The following SF1 variants were observed in gnomAD, a reference collection of about 807,000 sequenced individuals.
SF1 encodes the protein branch point-binding protein.
A neutral mutation model predicts 62.5 loss-of-function variants in SF1; 7 were observed. That is an observed-to-expected ratio of 0.11 (90% CI 0.06 to 0.21). The LOEUF is 0.21. Ranked by LOEUF, SF1 falls within the 10% of genes least tolerant of loss-of-function variation. SF1 has a pLI of 1.00. For missense variants in SF1, 578 were observed against 884.0 expected, an observed-to-expected ratio of 0.65 and a Z score of 4.39; for synonymous variants, 394 against 323.6, an observed-to-expected ratio of 1.22 and a Z score of -2.33.
chr11:64,776,968 G>A (rs1047008010), intron 1 of SF1, among the ~76,000 whole-genome samples: 5 of 152,130 alleles, frequency 3.3e-5, no homozygotes, highest in Admixed American at 1.3e-4. Flanking sequence ...AAATCCCCAG[G>A]GGAGACAAAA....
intron 3 of SF1, chr11:64,772,618 T>C: frequency 1.0e-6 from 1 of 985,216 alleles, no homozygotes; most frequent in Non-Finnish European, 1.2e-6. Flanking sequence ...TAAGAGAAAA[T>C]TCAGTGAGAG....
intron 6 of SF1, 23 bp from the exon 7 acceptor site, chr11:64,769,361 T>C: frequency 6.2e-7 from 1 of 1,613,806 alleles, no homozygotes; most frequent in South Asian, 1.1e-5. Flanking sequence ...CAATGGACAG[T>C]TAAGTGCTTA....
chr11:64,766,142 G>T lies in SF1; in HGVS notation c.1596C>A (p.Thr532=). The stretch of plus-strand genomic sequence containing the variant: ...TGGACCCTGTGCCAGCGCTCGTGGT[G>T]GTAGTCGTCGTATCTGGGGTGGTAA... ...PLPWQQNTTT[T]TTSAGTGSIP... Residue 532 remains threonine (T), a synonymous_variant, in exon 13 of 13, where the codon ACC becomes ACA. Transcript: ENST00000377390. 6.2e-7 allele frequency: 1 copy of T among 1,606,040 alleles called. No individual in the cohort carries two copies.
At position 64,765,438 on chromosome 11, in the gene SF1, T is replaced by C. The variant is rs2058574467; in HGVS notation, c.*380A>G. The C allele has an allele frequency of 6.3e-7, 1 of 1,592,460 alleles. No individual in the cohort carries two copies. The highest frequency in any genetic ancestry group is 1.1e-5 in the South Asian group (1 of 90,610). ...TGTCCACCAGGGGCGTTGCTGAGGCTGTCTGCCTGGAAGGGTCACCAATGG... is the reference window on the plus strand; with the variant it reads ...TGTCCACCAGGGGCGTTGCTGAGGCCGTCTGCCTGGAAGGGTCACCAATGG... On this transcript the variant is annotated 3_prime_UTR_variant, in exon 13 of 13. Coordinates refer to ENST00000377390, the MANE Select transcript of SF1 (RefSeq NM_004630.4).
chr11:64,773,747 G>C (rs1016327598), intron 2 of SF1, among the ~76,000 whole-genome samples: 1 of 152,110 alleles, frequency 6.6e-6, no homozygotes, highest in Non-Finnish European at 1.5e-5. Flanking sequence ...TGTTGGAAGA[G>C]GGGTTAGCAA....
intron 5 of SF1, 144 bp from the exon 6 acceptor site, chr11:64,769,753 A>C: frequency 1.2e-6 from 1 of 816,486 alleles, no homozygotes; most frequent in Non-Finnish European, 1.9e-6. Flanking sequence ...ACTCTATATT[A>C]TGGTCAGCCA....
intron 1 of SF1, among the ~76,000 whole-genome samples, chr11:64,776,853 CCTT>C (rs1173158024): frequency 5.9e-5 from 9 of 152,170 alleles, no homozygotes; most frequent in African/African-American, 9.7e-5. Flanking sequence ...TAACATTTCA[CCTT>C]CTTTTGTCTA....
rs151057378 is a variant in SF1, at chr11:64,775,088, T to C, written c.160+1410A>G. ...TGCCTAAAAAGTTCTGACTTTGCAG[T>C]TGAGTATTAAGCTCAACAACTCGAG... On this transcript the variant is annotated intron_variant, in intron 2 of 12. Coordinates refer to ENST00000377390, the MANE Select transcript of SF1 (RefSeq NM_004630.4). Among the ~76,000 whole-genome samples the C allele has an allele frequency of 1.6e-3, 241 of 152,234 alleles. 3 individuals are homozygous for C. The East Asian group carries it at 0.027, about 17-fold the overall frequency.
At chr11:64,771,670 G>C in intron 3 of SF1, 6 of 985,332 alleles carry the variant, frequency 6.1e-6, no homozygotes, top group Non-Finnish European at 7.2e-6. Flanking sequence ...TCCATTAAGA[G>C]TGAACAAAAG....
At chr11:64,767,149 C>A in intron 11 of SF1, 43 bp downstream of exon 11, 1 of 1,613,604 alleles carries the variant, frequency 6.2e-7, no homozygotes, top group Non-Finnish European at 8.5e-7. Flanking sequence ...CCCCCACTCA[C>A]CCAAGCCTAG....
At chr11:64,768,485 G>C (rs1434239172) in intron 8 of SF1, among the ~76,000 whole-genome samples, 199 bp from the exon 9 acceptor site, 1 of 152,208 alleles carries the variant, frequency 6.6e-6, no homozygotes, top group Non-Finnish European at 1.5e-5. Context: ...CTGCATCTGG[G>C]ATCACCAGAG....
rs1268117373 is a variant in SF1 at position 64,766,535 on chromosome 11, A to C, written c.1582+365T>G. 7.3e-6 allele frequency: 3 copies of C among 412,018 alleles called. No individual in the cohort carries two copies. In the East Asian group the frequency reaches 1.3e-4, roughly 18 times the overall value. The allele number at this position is 412,018 out of a possible 1,614,324, so 25.5% of individuals were successfully genotyped here. Reference sequence around the variant, plus strand: ...CCCAGTCCCACCTCTGCAGTCTCTCACCCCAATCGCAGCCCTTGCCAGAGC... The same window carrying C: ...CCCAGTCCCACCTCTGCAGTCTCTCCCCCCAATCGCAGCCCTTGCCAGAGC... On this transcript the variant is annotated intron_variant, in intron 12 of 12. Transcript: ENST00000377390.
chr11:64,776,375 G>C (rs182600894), intron 2 of SF1, 123 bp downstream of exon 2: 1 of 1,056,394 alleles, frequency 9.5e-7, no homozygotes, highest in East Asian at 2.5e-5. Context: ...TGATACCAAA[G>C]TCGTGAAAGT....
At chr11:64,774,336 A>G (rs549095400) in intron 2 of SF1, among the ~76,000 whole-genome samples, 48 of 152,342 alleles carry the variant, frequency 3.2e-4, no homozygotes, top group African/African-American at 1.0e-3. Context: ...GTGCATGAAA[A>G]AGAGAGATGA....
chr11:64,774,625 A>C (rs1938857851), intron 2 of SF1, among the ~76,000 whole-genome samples: 1 of 152,204 alleles, frequency 6.6e-6, no homozygotes. Flanking sequence ...TACCACACCC[A>C]CACACTAAAA....
At position 64,766,954 on chromosome 11, in the gene SF1, G is replaced by T; in HGVS notation, c.1528C>A (p.Pro510Thr). The T allele has an allele frequency of 6.7e-7, 1 of 1,501,302 alleles. No individual in the cohort carries two copies. Among genetic ancestry groups the T allele is most frequent in the Non-Finnish European group, 8.9e-7 (1 of 1,125,584 alleles). 93.0% of individuals were successfully genotyped at this position (1,501,302 alleles called of 1,614,324 possible). A position where few individuals can be genotyped will look rare whatever the true frequency, so the allele number is the denominator to read the frequency against. The stretch of plus-strand genomic sequence containing the variant: ...GCCATACTGCTGCTGGGCGGAGGGG[G>T]TGGCGGAGGCTGCTGCTGCTGTTGT... ...WQQQQQQPPPPPPPSSSMASS... is the reference protein window; with the variant it reads ...WQQQQQQPPPTPPPSSSMASS... The change falls in exon 12 of 13, where the codon CCC (proline) becomes ACC (threonine). Residue 510 changes from proline to threonine, a missense_variant. Physicochemically the swap from Pro to Thr is conservative, Grantham distance 38 (BLOSUM62 -1). Transcript: ENST00000377390.
chr11:64,777,760 C>T, intron 1 of SF1: 1 of 985,598 alleles, frequency 1.0e-6, no homozygotes, highest in Non-Finnish European at 1.2e-6. Flanking sequence ...CTCACTGCGT[C>T]TGCGCACAGA....
intron 2 of SF1, among the ~76,000 whole-genome samples, chr11:64,773,727 GCAAA>G (rs1369029228): frequency 6.6e-6 from 1 of 152,096 alleles, no homozygotes; most frequent in Non-Finnish European, 1.5e-5. Context: ...ACTTAAGGAA[GCAAA>G]CAGTTTGTTG....
chr11:64,770,488 C>A (rs1165792151), intron 3 of SF1, 80 bp from the exon 4 acceptor site: 10 of 1,493,554 alleles, frequency 6.7e-6, no homozygotes, highest in Non-Finnish European at 9.2e-6. Flanking sequence ...TCTTTCCCAG[C>A]CCCTCTGCCT....
Sources: gnomAD v4.1 joint callset for allele counts (sites outside exome capture counted in the v4.1 genomes callset) on GRCh38, gnomAD v4.1.1 for gene constraint, MANE v1.5 for transcripts, NCBI Gene and HGNC (gene_info 2026-07-23, HGNC 2026-07-21) for gene names.